Variants in VSTM5 observed in about 807,000 individuals in gnomAD.
VSTM5 encodes V-set and transmembrane domain-containing protein 5.
A neutral mutation model predicts 20.3 loss-of-function variants in VSTM5; 21 were observed. The ratio of observed to expected loss-of-function variants is 1.03; its 90% CI spans 0.73 to 1.49. The LOEUF is 1.49. Among genes scored for constraint, VSTM5 ranks in the 40% most tolerant of loss-of-function variants. The probability of loss-of-function intolerance (pLI) is 0.00; values close to 1 mark genes in which losing one functional copy is unlikely to be tolerated. For synonymous variants in VSTM5, 100 were observed against 102.5 expected, an observed-to-expected ratio of 0.98 and a Z score of 0.14; for missense variants, 219 against 250.0, an observed-to-expected ratio of 0.88 and a Z score of 0.84.
At chr11:93,824,159 C>T (rs911010538) in intron 1 of VSTM5, among the ~76,000 whole-genome samples, 4 of 152,098 alleles carry the variant, frequency 2.6e-5, no homozygotes, top group Non-Finnish European at 5.9e-5. Flanking sequence ...CCACCCACCT[C>T]GGTCTCCCAA....
chr11:93,845,834 C>G (rs1048746708), intron 1 of VSTM5, among the ~76,000 whole-genome samples: 1 of 152,202 alleles, frequency 6.6e-6, no homozygotes, highest in African/African-American at 2.4e-5. Context: ...CTCCAATTCT[C>G]TTCTCCACCC....
chr11:93,841,498 CA>C (rs1944369819), intron 1 of VSTM5, among the ~76,000 whole-genome samples: 1 of 152,216 alleles, frequency 6.6e-6, no homozygotes, highest in Non-Finnish European at 1.5e-5. Flanking sequence ...AAAACTCTAA[CA>C]CAGTGGTTCT....
rs1467732022 is a variant in VSTM5 at position 93,818,640 on chromosome 11, G to A, written c.*1929C>T. ...TGCCAGCCCTGACTTCGGGACAAGC[G>A]GAAGAGCAGAGTTCTGAAAGGCAGG... On this transcript the variant is annotated 3_prime_UTR_variant, in exon 4 of 4. Transcript: ENST00000409977. 6.6e-6 allele frequency: 1 copy of A among 151,918 alleles called. No individual in the cohort carries two copies. The highest frequency in any genetic ancestry group is 6.6e-5 in the Admixed American group (1 of 15,240). The allele number at this position is 151,918 out of a possible 1,614,324, so 9.4% of individuals were successfully genotyped here.
chr11:93,829,245 G>A (rs1944262213), intron 1 of VSTM5, among the ~76,000 whole-genome samples: 1 of 152,200 alleles, frequency 6.6e-6, no homozygotes, highest in South Asian at 2.1e-4. Flanking sequence ...CAACAGAGTT[G>A]ATCACTTGTG....
chr11:93,839,055 C>T (rs1944347447), intron 1 of VSTM5, among the ~76,000 whole-genome samples: 1 of 152,248 alleles, frequency 6.6e-6, no homozygotes, highest in African/African-American at 2.4e-5. Flanking sequence ...GCTCTTCTTA[C>T]AGCCCGGCCC....
chr11:93,835,419 T>A (rs1375964520), intron 1 of VSTM5, among the ~76,000 whole-genome samples: 1 of 152,116 alleles, frequency 6.6e-6, no homozygotes, highest in Admixed American at 6.6e-5. Flanking sequence ...CAAAACCCTG[T>A]GTCTAAAAAA....
intron 1 of VSTM5, among the ~76,000 whole-genome samples, chr11:93,837,700 AC>A (rs1221063192): frequency 6.6e-6 from 1 of 152,126 alleles, no homozygotes; most frequent in East Asian, 1.9e-4. Flanking sequence ...AATGCTTAGC[AC>A]AGTGCCCTCA....
At chr11:93,837,711 A>G (rs1387931431) in intron 1 of VSTM5, among the ~76,000 whole-genome samples, 1 of 152,022 alleles carries the variant, frequency 6.6e-6, no homozygotes. Flanking sequence ...CAGTGCCCTC[A>G]CCCCACAAAT....
rs986279351 is a variant in VSTM5, at chr11:93,820,822, G to A, written c.480C>T (p.Ala160=). Residue 160 remains alanine (A), a synonymous_variant, in exon 3 of 4, where the codon GCC becomes GCT. Transcript: ENST00000409977. Reference sequence around the variant, plus strand: ...CCCACATGAGGCTGATTAATACTGCGGCCACAGCAGCGAGAAAAGCAAGGA... The same window carrying A: ...CCCACATGAGGCTGATTAATACTGCAGCCACAGCAGCGAGAAAAGCAAGGA... ...AVILAFLAAV[A]AVLISLMWVC... is the part of the protein sequence containing the mutation. The A allele has an allele frequency of 1.4e-5, 22 of 1,550,916 alleles. No homozygotes were observed. The highest frequency in any genetic ancestry group is 1.7e-4 in the Middle Eastern group (1 of 5,992).
In VSTM5 at chr11:93,821,013, G is replaced by T. The variant is rs143287726; in HGVS notation, c.402C>A (p.Ile134=). The change falls in exon 2 of 4, where the codon ATC becomes ATA. Residue 134 remains isoleucine, a synonymous_variant. Transcript: ENST00000409977. ...ATGTCTTACCAGAGACGTGCAGCAC[G>T]ATGGTGCCAAACTGGCTGCTCCCCA... The part of the protein sequence containing the change: ...ERLGSSQFGT[I]VLHVSEILYE... 6.4e-7 allele frequency: 1 copy of T among 1,551,676 alleles called. No individual in the cohort carries two copies. The highest frequency in any genetic ancestry group is 8.7e-7 in the Non-Finnish European group (1 of 1,146,988).
intron 1 of VSTM5, among the ~76,000 whole-genome samples, chr11:93,842,000 A>G (rs1944373992): frequency 6.6e-6 from 1 of 152,188 alleles, no homozygotes; most frequent in Non-Finnish European, 1.5e-5. Context: ...ACCTTCTTTC[A>G]GTCTCTGTTA....
intron 1 of VSTM5, among the ~76,000 whole-genome samples, chr11:93,836,336 AC>A (rs1468960514): frequency 6.6e-6 from 1 of 152,042 alleles, no homozygotes; most frequent in East Asian, 1.9e-4. Flanking sequence ...CCTGTTTAAA[AC>A]CCTTGTCTGG....
Position 93,834,782 on chromosome 11 carries a change from CAAAAA to C in VSTM5, c.92-13464_92-13460del, listed in dbSNP as rs59156403. Reference sequence around the variant, plus strand: ...TGGGCGACAGAGTGAGACTCCGTCTCAAAAAAAAAAAAAAAAAAAAATTTAAAAAT... The same window carrying C: ...TGGGCGACAGAGTGAGACTCCGTCTCAAAAAAAAAAAAAAAATTTAAAAAT... On this transcript the variant is annotated intron_variant, in intron 1 of 3. Coordinates refer to ENST00000409977, the MANE Select transcript of VSTM5 (RefSeq NM_001144871.2). 5.4e-4 allele frequency among the ~76,000 whole-genome samples: 32 copies of C among 59,550 alleles called. 1 individual carries two copies. The highest frequency in any genetic ancestry group is 5.2e-3 in the Admixed American group (28 of 5,360). 39.1% of individuals were successfully genotyped at this position (59,550 alleles called of 152,430 possible).
intron 1 of VSTM5, among the ~76,000 whole-genome samples, chr11:93,841,553 C>T (rs948557974): frequency 2.0e-5 from 3 of 152,220 alleles, no homozygotes; most frequent in Non-Finnish European, 4.4e-5. Context: ...GATCACTGAA[C>T]CAGATTGCAG....
rs755105713 is a variant in VSTM5 at position 93,820,885 on chromosome 11, T to C, written c.419-2A>G. On this transcript the variant is annotated splice_acceptor_variant, in intron 2 of 3. Transcript: ENST00000409977. LOFTEE classifies it high-confidence loss of function. ...AGTGCAGGTCTTCATAGAGGATCTC[T>C]ATGGAGTGAGGGTGAGGGGAGGGGG... The C allele has an allele frequency of 1.5e-4, 225 of 1,550,696 alleles. No individual in the cohort carries two copies. Among genetic ancestry groups the C allele is most frequent in the Non-Finnish European group, 1.8e-4 (203 of 1,146,982 alleles).
At chr11:93,840,492 T>C (rs1396284031) in intron 1 of VSTM5, among the ~76,000 whole-genome samples, 1 of 152,222 alleles carries the variant, frequency 6.6e-6, no homozygotes, top group Non-Finnish European at 1.5e-5. Context: ...CAAAGAACTA[T>C]GTGAAAGAGC....
Position 93,820,239 on chromosome 11 carries a change from G to A in VSTM5, c.*330C>T, listed in dbSNP as rs971267791. The A allele has an allele frequency of 2.4e-5, 8 of 338,092 alleles. No individual in the cohort carries two copies. The Admixed American group carries it at 3.7e-4, about 16-fold the overall frequency. 20.9% of individuals were successfully genotyped at this position (338,092 alleles called of 1,614,324 possible). On this transcript the variant is annotated 3_prime_UTR_variant, in exon 4 of 4. Coordinates refer to ENST00000409977, the MANE Select transcript of VSTM5 (RefSeq NM_001144871.2). ...AGGGACTCTGACAACAGGCCATCCTGCACACCAGAGCAAGTGTCGTGAGCA... is the reference window on the plus strand; with the variant it reads ...AGGGACTCTGACAACAGGCCATCCTACACACCAGAGCAAGTGTCGTGAGCA...
chr11:93,823,764 T>C (rs1338444642), intron 1 of VSTM5, among the ~76,000 whole-genome samples: 3 of 152,250 alleles, frequency 2.0e-5, no homozygotes, highest in Non-Finnish European at 4.4e-5. Context: ...TATTTATTTA[T>C]GTATTCATCT....
At chr11:93,850,358 G>A in intron 1 of VSTM5, 54 bp downstream of exon 1, 1 of 1,463,538 alleles carries the variant, frequency 6.8e-7, no homozygotes, top group South Asian at 1.3e-5. Flanking sequence ...CCCCGCCCGT[G>A]CCCCCCTACC....
Sources: allele counts gnomAD v4.1 joint callset (sites outside exome capture counted in the v4.1 genomes callset), GRCh38; gene constraint gnomAD v4.1.1; transcripts MANE v1.5; gene names NCBI Gene and HGNC (gene_info 2026-07-23, HGNC 2026-07-21).